The following ANKS1B variants were observed in gnomAD, a reference collection of about 807,000 sequenced individuals.
The protein encoded by ANKS1B is ankyrin repeat and sterile alpha motif domain-containing protein 1B.
Under a neutral mutation model 148.3 loss-of-function variants are expected in ANKS1B, and 36 were observed. That is an observed-to-expected ratio of 0.24 (90% CI 0.19 to 0.32). The LOEUF is 0.32. Ranked by LOEUF, ANKS1B falls within the 10% of genes least tolerant of loss-of-function variation. The pLI is 1.00. For missense variants in ANKS1B, 1,157 were observed against 1,542.6 expected (o/e 0.75, Z 4.19); for synonymous variants, 542 against 560.8 (o/e 0.97, Z 0.47).
intron 8 of ANKS1B, among the ~76,000 whole-genome samples, chr12:99,761,809 C>A (rs1258730994): frequency 6.6e-6 from 1 of 152,058 alleles, no homozygotes; most frequent in African/African-American, 2.4e-5. Context: ...TAAACTCCAA[C>A]AAAAAGCTGT....
chr12:99,253,763 A>G (rs2074937075), intron 12 of ANKS1B, among the ~76,000 whole-genome samples: 1 of 152,246 alleles, frequency 6.6e-6, no homozygotes, highest in South Asian at 2.1e-4. Flanking sequence ...GACACGCTAC[A>G]GTGAAGAAAT....
chr12:98,799,883 T>C (rs1169001304), intron 21 of ANKS1B, among the ~76,000 whole-genome samples: 2 of 151,288 alleles, frequency 1.3e-5, no homozygotes, highest in Non-Finnish European at 3.0e-5. Flanking sequence ...GAGCTCTATA[T>C]ATGTTTTTTA....
At chr12:99,074,771 C>T (rs1362242888) in intron 16 of ANKS1B, among the ~76,000 whole-genome samples, 1 of 152,198 alleles carries the variant, frequency 6.6e-6, no homozygotes, top group Non-Finnish European at 1.5e-5. Flanking sequence ...GCATCCTAAC[C>T]TGACCCATTC....
At chr12:99,673,672 A>G (rs887940838) in intron 8 of ANKS1B, among the ~76,000 whole-genome samples, 4 of 151,962 alleles carry the variant, frequency 2.6e-5, no homozygotes, top group African/African-American at 9.7e-5. Context: ...TAATACATTT[A>G]TCCTATTTGA....
Position 99,574,722 on chromosome 12 carries a change from A to T in ANKS1B, c.1273-70081T>A, listed in dbSNP as rs926981066. 2.0e-5 allele frequency among the ~76,000 whole-genome samples: 3 copies of T among 152,064 alleles called. No individual in the cohort carries two copies. In the South Asian group the frequency reaches 6.2e-4, roughly 31 times the overall value. On this transcript the variant is annotated intron_variant, in intron 9 of 26. Transcript: ENST00000683438. ...GTGGAAAAGGCATTTGACAAAATTT[A>T]ATATATATTCATGATGAAAAACTCT... is the stretch of plus-strand genomic sequence containing the variant.
rs140698965 is a variant in ANKS1B at position 98,961,183 on chromosome 12, A to C, written c.2778+91974T>G. 2.6e-3 allele frequency among the ~76,000 whole-genome samples: 390 copies of C among 152,338 alleles called. 10 individuals carry two copies. The East Asian group carries it at 0.045, about 17-fold the overall frequency. ...AAAACACCAAGCAGATTTAACCCAA[A>C]TAAGACTACCTCAAGACGTTTAATA... On this transcript the variant is annotated intron_variant, in intron 17 of 26. Coordinates refer to ENST00000683438, the MANE Select transcript of ANKS1B (RefSeq NM_001352186.2).
rs539859703 is a variant in ANKS1B at position 98,921,534 on chromosome 12, C to T, written c.2779-89398G>A. Among the ~76,000 whole-genome samples, 246 of 152,286 alleles carry T rather than the reference C, an allele frequency of 1.6e-3. 2 individuals are homozygous for T. Among genetic ancestry groups the T allele is most frequent in the African/African-American group, 5.7e-3 (237 of 41,554 alleles). ...TTTTCTATAGGCCCACCAATTATTG[C>T]CATGTTCTAATAAGGTTTTAAAGAA... On this transcript the variant is annotated intron_variant, in intron 17 of 26. Coordinates refer to ENST00000683438, the MANE Select transcript of ANKS1B (RefSeq NM_001352186.2).
intron 9 of ANKS1B, chr12:99,648,898 G>C: frequency 7.0e-7 from 1 of 1,419,872 alleles, no homozygotes; most frequent in Non-Finnish European, 9.3e-7. Context: ...CATTGCATTT[G>C]GAAGGTCTGA....
chr12:99,141,889 A>G (rs2070950354), intron 15 of ANKS1B, among the ~76,000 whole-genome samples: 1 of 151,962 alleles, frequency 6.6e-6, no homozygotes, highest in Non-Finnish European at 1.5e-5. Flanking sequence ...CTAACTGATA[A>G]CTTTCCCATG....
At chr12:99,946,019 G>C (rs2095051877) in intron 1 of ANKS1B, among the ~76,000 whole-genome samples, 1 of 152,148 alleles carries the variant, frequency 6.6e-6, no homozygotes, top group Admixed American at 6.5e-5. Context: ...CTGGAGGGAG[G>C]CTGCCATGGA....
chr12:99,934,401 G>T (rs1044922868), intron 1 of ANKS1B, among the ~76,000 whole-genome samples: 6 of 151,940 alleles, frequency 3.9e-5, no homozygotes, highest in African/African-American at 1.5e-4. Flanking sequence ...TTGGATCCTC[G>T]GCTTCTCTTT....
intron 8 of ANKS1B, among the ~76,000 whole-genome samples, chr12:99,680,006 A>G (rs73387969): frequency 0.031 from 4,795 of 152,288 alleles, 284 homozygotes; most frequent in African/African-American, 0.11. Context: ...AGTTGAAAAA[A>G]TGTCTTGAAA....
chr12:99,915,888 G>A lies in ANKS1B; in HGVS notation c.134+68216C>T, dbSNP rs148144727. On this transcript the variant is annotated intron_variant, in intron 1 of 26. Coordinates refer to ENST00000683438, the MANE Select transcript of ANKS1B (RefSeq NM_001352186.2). ...TGGTGGTTTTCTGGCATTCTGTTGC[G>A]TTCATTAACTTATAGAAGCATCACC... Among the ~76,000 whole-genome samples, 126 of 152,150 alleles carry A rather than the reference G, an allele frequency of 8.3e-4. 1 individual carries two copies. Among genetic ancestry groups the A allele is most frequent in the Middle Eastern group, 3.4e-3 (1 of 294 alleles).
intron 17 of ANKS1B, among the ~76,000 whole-genome samples, chr12:98,973,881 C>T (rs897719623): frequency 6.7e-6 from 1 of 149,290 alleles, no homozygotes; most frequent in African/African-American, 2.6e-5. Context: ...TATCTATATG[C>T]GATATGTATA....
At chr12:98,938,792 C>T (rs762156465) in intron 17 of ANKS1B, among the ~76,000 whole-genome samples, 6 of 152,182 alleles carry the variant, frequency 3.9e-5, no homozygotes, top group Middle Eastern at 3.2e-3. Context: ...TGGCTGAAGA[C>T]ATTGACAAAG....
intron 16 of ANKS1B, among the ~76,000 whole-genome samples, chr12:99,056,987 A>G (rs988057019): frequency 1.3e-5 from 2 of 152,134 alleles, no homozygotes; most frequent in East Asian, 3.9e-4. Flanking sequence ...AAGGGCAACT[A>G]TTACTCCACT....
At chr12:99,147,864 G>T (rs1232084435) in intron 15 of ANKS1B, among the ~76,000 whole-genome samples, 4 of 151,872 alleles carry the variant, frequency 2.6e-5, no homozygotes, top group Non-Finnish European at 1.5e-5. Flanking sequence ...AAGGAGGAGT[G>T]GATAGTGAAA....
intron 15 of ANKS1B, among the ~76,000 whole-genome samples, chr12:99,116,454 A>G (rs915565897): frequency 6.6e-6 from 1 of 152,210 alleles, no homozygotes; most frequent in African/African-American, 2.4e-5. Context: ...TTTATTAACT[A>G]GTACATATAA....
At chr12:98,996,974 C>T (rs892355586) in intron 17 of ANKS1B, among the ~76,000 whole-genome samples, 33 of 152,006 alleles carry the variant, frequency 2.2e-4, no homozygotes, top group Non-Finnish European at 3.8e-4. Flanking sequence ...TTCAGATGGG[C>T]TATGTTAGTC....
Sources: gnomAD v4.1 joint callset for allele counts (sites outside exome capture counted in the v4.1 genomes callset) on GRCh38, gnomAD v4.1.1 for gene constraint, MANE v1.5 for transcripts, NCBI Gene and HGNC (gene_info 2026-07-23, HGNC 2026-07-21) for gene names.